The following ATP8A2 variants were observed in gnomAD, a reference collection of about 807,000 sequenced individuals.
The protein encoded by ATP8A2 is ATPase phospholipid transporting 8A2, also known as phospholipid-transporting ATPase IB.
ATP8A2 carries 100 observed loss-of-function variants against 165.6 expected under a neutral mutation model. The observed-to-expected ratio is 0.60, with a 90% CI of 0.51 to 0.71. ATP8A2 has a LOEUF of 0.71. Among genes scored for constraint, ATP8A2 ranks in the 30% least tolerant of loss-of-function variants. ATP8A2 has a pLI of 0.00. For synonymous variants in ATP8A2, 543 were observed against 548.8 expected (o/e 0.99, Z 0.15); for missense variants, 1,227 against 1,479.5 (o/e 0.83, Z 2.80).
intron 24 of ATP8A2, among the ~76,000 whole-genome samples, chr13:25,676,483 C>T (rs565089850): frequency 1.1e-3 from 161 of 152,230 alleles, no homozygotes; most frequent in African/African-American, 3.4e-3. Context: ...TGAGACCACA[C>T]GTGAACTCTG....
At chr13:25,530,336 A>G (rs970875416) in intron 3 of ATP8A2, among the ~76,000 whole-genome samples, 9 of 152,352 alleles carry the variant, frequency 5.9e-5, no homozygotes, top group African/African-American at 1.9e-4. Flanking sequence ...CCTTAGGGCC[A>G]TACTTTTAAG....
chr13:25,649,471 A>G (rs1421739844), intron 24 of ATP8A2, among the ~76,000 whole-genome samples: 1 of 152,168 alleles, frequency 6.6e-6, no homozygotes, highest in South Asian at 2.1e-4. Context: ...ACCAGATGCT[A>G]TGCACAATAG....
chr13:25,695,916 G>A (rs2042825166), intron 24 of ATP8A2, among the ~76,000 whole-genome samples: 1 of 152,158 alleles, frequency 6.6e-6, no homozygotes. Context: ...CATCTAAAAT[G>A]GTGAATCCTT....
intron 24 of ATP8A2, among the ~76,000 whole-genome samples, chr13:25,663,081 G>C (rs1168284270): frequency 6.6e-6 from 1 of 152,166 alleles, no homozygotes; most frequent in South Asian, 2.1e-4. Flanking sequence ...CAGTGTAGAG[G>C]CTCTGCTTGG....
At position 25,922,354 on chromosome 13, in the gene ATP8A2, A is replaced by G. The variant is rs149628024; in HGVS notation, c.3184-39221A>G. Among the ~76,000 whole-genome samples the G allele has an allele frequency of 2.7e-3, 417 of 152,328 alleles. 2 individuals carry two copies. Among genetic ancestry groups the G allele is most frequent in the African/African-American group, 9.7e-3 (404 of 41,568 alleles). On this transcript the variant is annotated intron_variant, in intron 33 of 36. Transcript: ENST00000381655. ...AGGATGCTTTTACATAAATCAGTAC[A>G]ATTAGTTTTATTATTGCAACCTTGT...
chr13:25,405,211 G>T (rs1214729518), intron 1 of ATP8A2, among the ~76,000 whole-genome samples: 1 of 152,170 alleles, frequency 6.6e-6, no homozygotes, highest in Non-Finnish European at 1.5e-5. Context: ...AGGAGAAGAG[G>T]AGGGAAGGCG....
At chr13:25,624,528 T>C (rs1415866790) in intron 24 of ATP8A2, among the ~76,000 whole-genome samples, 1 of 152,174 alleles carries the variant, frequency 6.6e-6, no homozygotes, top group Non-Finnish European at 1.5e-5. Flanking sequence ...TGTTAACTAG[T>C]TTTCTGAATA....
intron 1 of ATP8A2, among the ~76,000 whole-genome samples, chr13:25,380,133 C>A (rs1281985760): frequency 6.6e-6 from 1 of 152,108 alleles, no homozygotes; most frequent in African/African-American, 2.4e-5. Flanking sequence ...TGAACCCATG[C>A]AGCATCAGAG....
At chr13:25,556,508 A>G (rs2038985912) in intron 13 of ATP8A2, among the ~76,000 whole-genome samples, 1 of 151,914 alleles carries the variant, frequency 6.6e-6, no homozygotes, top group Non-Finnish European at 1.5e-5. Flanking sequence ...TAGATTCTGG[A>G]TATTAGACCT....
chr13:25,680,887 A>G (rs2042472688), intron 24 of ATP8A2, among the ~76,000 whole-genome samples: 1 of 152,116 alleles, frequency 6.6e-6, no homozygotes, highest in Non-Finnish European at 1.5e-5. Flanking sequence ...GATATTGTAA[A>G]AGGGACACTG....
intron 33 of ATP8A2, among the ~76,000 whole-genome samples, chr13:25,882,058 T>A (rs561322929): frequency 6.6e-6 from 1 of 152,164 alleles, no homozygotes; most frequent in African/African-American, 2.4e-5. Context: ...TTAATTCAAT[T>A]TGAGGCAGGA....
At chr13:25,689,728 C>G (rs2042681791) in intron 24 of ATP8A2, among the ~76,000 whole-genome samples, 1 of 152,104 alleles carries the variant, frequency 6.6e-6, no homozygotes, top group Admixed American at 6.6e-5. Context: ...TTCTAGAGAT[C>G]CACTCTGGGC....
chr13:25,626,212 T>G (rs1440830197), intron 24 of ATP8A2, among the ~76,000 whole-genome samples: 1 of 152,194 alleles, frequency 6.6e-6, no homozygotes, highest in Non-Finnish European at 1.5e-5. Context: ...AATTTTCTGT[T>G]GCTATAACAA....
At chr13:25,551,283 C>A (rs1199348996) in intron 10 of ATP8A2, 55 bp from the exon 11 acceptor site, 1 of 1,533,568 alleles carries the variant, frequency 6.5e-7, no homozygotes, top group Non-Finnish European at 8.9e-7. Context: ...TTCCCCCAAC[C>A]CCTTGCCCCA....
rs1383602912 is a variant in ATP8A2 at position 25,750,656 on chromosome 13, G to T, written c.2385-18390G>T. Among the ~76,000 whole-genome samples the T allele has an allele frequency of 6.6e-6, 1 of 152,178 alleles. No individual in the cohort carries two copies. Among genetic ancestry groups the T allele is most frequent in the Non-Finnish European group, 1.5e-5 (1 of 68,036 alleles). ...CAGTAATAGGGAGGAAGTGTGGGGA[G>T]CCTGGGGGCCCTGTCGGCAGGTACC... On this transcript the variant is annotated intron_variant, in intron 25 of 36. Transcript: ENST00000381655. The surrounding 1 kb of genome is among the most constrained non-coding windows in gnomAD (Gnocchi z 4.3).
At chr13:25,512,985 C>T (rs373768399) in intron 2 of ATP8A2, among the ~76,000 whole-genome samples, 7 of 132,690 alleles carry the variant, frequency 5.3e-5, no homozygotes, top group African/African-American at 1.1e-4. Context: ...CCCTCCCGGA[C>T]GGGGTGGCTG....
At chr13:25,375,353 G>T (rs1231286843) in intron 1 of ATP8A2, among the ~76,000 whole-genome samples, 1 of 152,172 alleles carries the variant, frequency 6.6e-6, no homozygotes. Flanking sequence ...CTCTCACCTT[G>T]ACCCAGATGA....
intron 24 of ATP8A2, among the ~76,000 whole-genome samples, chr13:25,640,839 A>G (rs2041500498): frequency 6.6e-6 from 1 of 152,164 alleles, no homozygotes; most frequent in Non-Finnish European, 1.5e-5. Flanking sequence ...GATGAACATC[A>G]ATGCAAAAAT....
At chr13:25,697,338 G>A (rs988219957) in intron 24 of ATP8A2, among the ~76,000 whole-genome samples, 8 of 152,120 alleles carry the variant, frequency 5.3e-5, no homozygotes, top group African/African-American at 1.7e-4. Context: ...GGAATGCAGT[G>A]GTGCAATCTC....
Sources: allele counts gnomAD v4.1 joint callset (sites outside exome capture counted in the v4.1 genomes callset), GRCh38; gene constraint gnomAD v4.1.1; non-coding constraint Gnocchi (gnomAD v3.1); transcripts MANE v1.5; gene names NCBI Gene and HGNC (gene_info 2026-07-23, HGNC 2026-07-21).